GAS5: variants seen among roughly 807,000 people sequenced by gnomAD.
GAS5 encodes growth arrest specific 5 (non-protein coding).
At chr1:173,864,660 A>T in intron 6 of GAS5, 1 of 402,040 alleles carries the variant, frequency 2.5e-6, no homozygotes, top group South Asian at 1.8e-5. Flanking sequence ...AATTTCCTTC[A>T]AAGTTTAAAC....
At chr1:173,864,900 T>C (rs760517758) in intron 6 of GAS5, 1 of 518,924 alleles carries the variant, frequency 1.9e-6, no homozygotes, top group South Asian at 1.4e-5. Flanking sequence ...GTTATCATCA[T>C]TGTATCGGCT....
chr1:173,864,983 TCAGTGCGGG>T (rs1654334581), intron 6 of GAS5: 1 of 499,992 alleles, frequency 2.0e-6, no homozygotes, highest in Non-Finnish European at 4.0e-6. Context: ...CTTTGGGAGG[TCAGTGCGGG>T]CAGTATCACT....
chr1:173,867,015 C>G, exon 1 of GAS5: 2 of 764,440 alleles, frequency 2.6e-6, no homozygotes, highest in Non-Finnish European at 2.4e-6. Context: ...CTATCCAGAG[C>G]CACACTGCAT....
At chr1:173,867,087 CTTTT>C (rs924071662), upstream of GAS5, 5 of 644,960 alleles carry the variant, frequency 7.8e-6, no homozygotes, top group South Asian at 1.8e-5. Context: ...TTCCACGGTT[CTTTT>C]TTTTAAAGAG....
chr1:173,866,264 C>T (rs747929634), intron 3 of GAS5: 73 of 503,884 alleles, frequency 1.4e-4, no homozygotes, highest in Non-Finnish European at 3.2e-5. Flanking sequence ...ATTGGTGGTA[C>T]ACTGCTTAAC....
chr1:173,865,928 G>A (rs769491214), intron 4 of GAS5: 1 of 519,226 alleles, frequency 1.9e-6, no homozygotes, highest in East Asian at 5.4e-5. Context: ...AATAGCCACA[G>A]ATGAGTGTTC....
intron 7 of GAS5, chr1:173,863,973 T>C (rs1654166887): frequency 3.2e-6 from 1 of 313,734 alleles, no homozygotes; most frequent in African/African-American, 2.2e-5. Flanking sequence ...CATCAGGCAG[T>C]CTACAAAGAC....
chr1:173,866,284 C>G (rs1654607087), intron 3 of GAS5: 1 of 512,246 alleles, frequency 2.0e-6, no homozygotes, highest in Admixed American at 1.9e-5. Context: ...CCATTAACAG[C>G]AAACCACAAC....
intron 6 of GAS5, chr1:173,864,396 T>C: frequency 1.9e-6 from 1 of 519,186 alleles, no homozygotes; most frequent in South Asian, 1.4e-5. Flanking sequence ...GGAACGGTTT[T>C]ACAGTGATAT....
intron 4 of GAS5, chr1:173,866,006 G>T: frequency 1.9e-6 from 1 of 519,196 alleles, no homozygotes; most frequent in South Asian, 1.4e-5. Flanking sequence ...TGTTCAGTCA[G>T]CATTTGCTTA....
intron 6 of GAS5, chr1:173,865,288 G>C (rs1654391226): frequency 2.3e-6 from 1 of 428,606 alleles, no homozygotes; most frequent in Non-Finnish European, 4.6e-6. Flanking sequence ...CATACCTGTA[G>C]AAATTTAATC....
chr1:173,864,615 G>T (rs180708820), intron 6 of GAS5: 1 of 378,740 alleles, frequency 2.6e-6, no homozygotes. Context: ...ACAGATTAAG[G>T]TGTATATGCC....
intron 1 of GAS5, chr1:173,866,927 G>A: frequency 1.3e-6 from 1 of 765,428 alleles, no homozygotes; most frequent in Non-Finnish European, 2.4e-6. Flanking sequence ...TACTCTTAAA[G>A]CATCACAGGC....
chr1:173,865,461 A>G (rs771566491), intron 6 of GAS5: 5 of 509,876 alleles, frequency 9.8e-6, no homozygotes, highest in Non-Finnish European at 3.9e-6. Context: ...AACATCAATA[A>G]AACATGTACC....
At chr1:173,866,503 G>A in intron 3 of GAS5, 3 of 676,060 alleles carry the variant, frequency 4.4e-6, no homozygotes, top group South Asian at 3.0e-5. Flanking sequence ...TTAAAAGTGA[G>A]AAGTACAAAA....
intron 6 of GAS5, chr1:173,865,194 T>TAAAA: frequency 3.4e-6 from 1 of 295,018 alleles, no homozygotes; most frequent in Non-Finnish European, 6.5e-6. Flanking sequence ...GACTCTTGTC[T>TAAAA]AAAAAAAAAA....
chr1:173,868,017 TAA>T (rs1350820117), upstream of GAS5: 10 of 213,474 alleles, frequency 4.7e-5, no homozygotes, highest in South Asian at 4.0e-4. Flanking sequence ...CTCCTGTATA[TAA>T]GAGTTCTTTT....
At chr1:173,867,833 ATCC>A (rs1478010378), upstream of GAS5, 7 of 504,702 alleles carry the variant, frequency 1.4e-5, no homozygotes, top group Non-Finnish European at 2.8e-5. Flanking sequence ...ATCCCCCACC[ATCC>A]TCAACTTGTA....
At chr1:173,865,979 G>C (rs939985678) in intron 4 of GAS5, 1 of 519,204 alleles carries the variant, frequency 1.9e-6, no homozygotes, top group Middle Eastern at 3.2e-4. Context: ...GTCAGTTAGA[G>C]CTAATTAAGA....
Sources: allele counts gnomAD v4.1 joint callset, GRCh38; gene constraint gnomAD v4.1.1; transcripts MANE v1.5; gene names NCBI Gene and HGNC (gene_info 2026-07-23, HGNC 2026-07-21).